Variants in LRRC69 observed in about 807,000 individuals in gnomAD.
LRRC69 encodes the protein leucine rich repeat containing 69.
LRRC69 carries 42 observed loss-of-function variants against 37.8 expected under a neutral mutation model. The ratio of observed to expected loss-of-function variants is 1.11; its 90% CI spans 0.87 to 1.44. LRRC69 has a LOEUF of 1.44. Among genes scored for constraint, LRRC69 ranks in the 40% most tolerant of loss-of-function variants. The pLI, the probability that LRRC69 is intolerant of heterozygous loss-of-function variation, is 0.00. For synonymous variants in LRRC69, 141 were observed against 143.1 expected (o/e 0.99, Z 0.11); for missense variants, 357 against 401.9 (o/e 0.89, Z 0.96).
intron 5 of LRRC69, among the ~76,000 whole-genome samples, chr8:91,137,158 G>A (rs1189380992): frequency 6.6e-6 from 1 of 152,110 alleles, no homozygotes; most frequent in Non-Finnish European, 1.5e-5. Context: ...AGATTTGAAT[G>A]TTTAGTAAAA....
intron 7 of LRRC69, among the ~76,000 whole-genome samples, chr8:91,203,205 G>A (rs1450536925): frequency 6.6e-6 from 1 of 152,044 alleles, no homozygotes; most frequent in Non-Finnish European, 1.5e-5. Flanking sequence ...ATTGTTAGCT[G>A]TGAGTGTGTG....
intron 5 of LRRC69, among the ~76,000 whole-genome samples, chr8:91,176,949 A>G (rs1809242768): frequency 6.6e-6 from 1 of 151,908 alleles, no homozygotes; most frequent in Non-Finnish European, 1.5e-5. Context: ...ATTACAGTAA[A>G]TAAGTTTAAA....
chr8:91,171,874 C>T (rs756921389), intron 5 of LRRC69, among the ~76,000 whole-genome samples: 27 of 151,712 alleles, frequency 1.8e-4, no homozygotes, highest in Non-Finnish European at 2.6e-4. Context: ...AACATATTGG[C>T]TTATTTCTTT....
chr8:91,185,762 C>T (rs1037655870), intron 5 of LRRC69, among the ~76,000 whole-genome samples: 16 of 151,424 alleles, frequency 1.1e-4, no homozygotes, highest in Non-Finnish European at 1.5e-4. Flanking sequence ...ATCTTTTCCC[C>T]CCTCCTTGAA....
chr8:91,190,689 A>G (rs559920309), intron 6 of LRRC69, among the ~76,000 whole-genome samples: 104 of 152,280 alleles, frequency 6.8e-4, no homozygotes, highest in South Asian at 2.1e-4. Context: ...TGATATCATA[A>G]TATTTTTAAC....
chr8:91,195,439 T>TG (rs1192858576), intron 6 of LRRC69, among the ~76,000 whole-genome samples: 11 of 151,872 alleles, frequency 7.2e-5, no homozygotes, highest in Non-Finnish European at 1.5e-4. Flanking sequence ...ATGTTGACAG[T>TG]GGGGTGTTAA....
chr8:91,165,153 T>A (rs2130571151), intron 5 of LRRC69, among the ~76,000 whole-genome samples: 1 of 151,878 alleles, frequency 6.6e-6, no homozygotes, highest in Admixed American at 6.6e-5. Flanking sequence ...GCCTAATTTT[T>A]GAGAGGAAGA....
chr8:91,172,676 C>T (rs941163354), intron 5 of LRRC69, among the ~76,000 whole-genome samples: 8 of 151,716 alleles, frequency 5.3e-5, no homozygotes, highest in South Asian at 2.1e-4. Flanking sequence ...CCACCACACT[C>T]GGCTAATTTT....
intron 6 of LRRC69, among the ~76,000 whole-genome samples, chr8:91,197,528 C>T (rs1237784196): frequency 1.3e-5 from 2 of 152,086 alleles, no homozygotes; most frequent in Admixed American, 6.5e-5. Context: ...GAGCCAGGTG[C>T]GGGATATTAT....
Position 91,190,084 on chromosome 8 carries a change from T to C in LRRC69, c.753+461T>C, listed in dbSNP as rs76968592. Among the ~76,000 whole-genome samples, 379 of 152,276 alleles carry C rather than the reference T, an allele frequency of 2.5e-3. 5 individuals are homozygous for C. Among genetic ancestry groups the C allele is most frequent in the African/African-American group, 8.1e-3 (338 of 41,556 alleles). On this transcript the variant is annotated intron_variant, in intron 6 of 7. Transcript: ENST00000448384. ...AGCATATTACAGAACTCTTTGGTAATAGACAAGTCAGAGATCACAGGTCCT... is the reference window on the plus strand; with the variant it reads ...AGCATATTACAGAACTCTTTGGTAACAGACAAGTCAGAGATCACAGGTCCT...
intron 5 of LRRC69, among the ~76,000 whole-genome samples, chr8:91,185,946 C>T (rs1053462674): frequency 3.9e-5 from 6 of 152,186 alleles, no homozygotes; most frequent in Admixed American, 3.3e-4. Flanking sequence ...TTTATAAATG[C>T]TCCTGCTAAT....
intron 5 of LRRC69, among the ~76,000 whole-genome samples, chr8:91,150,489 G>C (rs1808713156): frequency 6.6e-6 from 1 of 151,952 alleles, no homozygotes; most frequent in African/African-American, 2.4e-5. Flanking sequence ...CAGTTTGCCA[G>C]TATTTTATTG....
rs149436519 is a variant in LRRC69, at chr8:91,122,509, G to A, written c.184-1984G>A. 2.3e-3 allele frequency among the ~76,000 whole-genome samples: 348 copies of A among 152,140 alleles called. 1 individual carries two copies. Among genetic ancestry groups the A allele is most frequent in the African/African-American group, 8.0e-3 (332 of 41,570 alleles). On this transcript the variant is annotated intron_variant, in intron 1 of 7. Transcript: ENST00000448384. Reference sequence around the variant, plus strand: ...TCTTTGCATTTTCAGTGCAAAAATAGTAATATTCTGGACACTTCTATTGCT... The same window carrying A: ...TCTTTGCATTTTCAGTGCAAAAATAATAATATTCTGGACACTTCTATTGCT...
intron 5 of LRRC69, among the ~76,000 whole-genome samples, chr8:91,150,621 T>C (rs202137209): frequency 5.9e-5 from 9 of 152,096 alleles, no homozygotes; most frequent in Non-Finnish European, 7.4e-5. Flanking sequence ...GGGAGGATTC[T>C]CTCTTTTTCT....
At chr8:91,153,586 A>C (rs776814224) in intron 5 of LRRC69, among the ~76,000 whole-genome samples, 9 of 152,014 alleles carry the variant, frequency 5.9e-5, no homozygotes, top group Non-Finnish European at 1.0e-4. Context: ...AACTACATGG[A>C]AATTGAACAA....
intron 5 of LRRC69, among the ~76,000 whole-genome samples, chr8:91,138,012 G>A (rs910834748): frequency 6.6e-6 from 1 of 151,898 alleles, no homozygotes; most frequent in East Asian, 1.9e-4. Context: ...TTCTAAATTC[G>A]TAATCTCAAA....
chr8:91,215,582 A>G (rs142556441), intron 7 of LRRC69, among the ~76,000 whole-genome samples: 1 of 152,314 alleles, frequency 6.6e-6, no homozygotes, highest in Admixed American at 6.5e-5. Context: ...ATTAATGGTG[A>G]AAAAGTAAAC....
exon 4 of LRRC69, chr8:91,133,181 T>C: frequency 6.5e-7 from 1 of 1,545,686 alleles, no homozygotes; most frequent in Non-Finnish European, 8.7e-7. Context: ...CTTTGTTTTC[T>C]TGAGAATCTT....
chr8:91,139,377 T>C (rs1449657778), intron 5 of LRRC69, among the ~76,000 whole-genome samples: 4 of 151,852 alleles, frequency 2.6e-5, no homozygotes, highest in Non-Finnish European at 1.5e-5. Flanking sequence ...CCATCTCTAC[T>C]AAAAATACAA....
Sources: gnomAD v4.1 joint callset for allele counts (sites outside exome capture counted in the v4.1 genomes callset) on GRCh38, gnomAD v4.1.1 for gene constraint, MANE v1.5 for transcripts, NCBI Gene and HGNC (gene_info 2026-07-23, HGNC 2026-07-21) for gene names.